Variants in CRY2 observed in about 807,000 individuals in gnomAD.
CRY2 encodes cryptochrome circadian regulator 2.
A neutral mutation model predicts 69.5 loss-of-function variants in CRY2; 31 were observed. The ratio of observed to expected loss-of-function variants is 0.45; its 90% CI spans 0.34 to 0.60. The LOEUF (loss-of-function observed/expected upper bound fraction) is 0.60. Ranked by LOEUF, CRY2 falls within the 20% of genes least tolerant of loss-of-function variation. CRY2 has a pLI of 0.02. For missense variants in CRY2, 606 were observed against 797.8 expected (o/e 0.76, Z 2.90); for synonymous variants, 303 against 312.2 (o/e 0.97, Z 0.31).
At position 45,878,920 on chromosome 11, in the gene CRY2, TAAAAAAAAAAAAAAA is replaced by T. The variant is rs57461093; in HGVS notation, c.*3-1980_*3-1966del. On this transcript the variant is annotated intron_variant, in intron 11 of 11. Coordinates refer to ENST00000616080, the MANE Select transcript of CRY2 (RefSeq NM_021117.5). ...GGCAACAGAACAAGACTCCATCTAT[TAAAAAAAAAAAAAAA>T]AAAAAAAAAAAAAGTCGGGCTCGGT... 1.0e-4 allele frequency among the ~76,000 whole-genome samples: 5 copies of T among 49,362 alleles called. 1 individual carries two copies. Among genetic ancestry groups the T allele is most frequent in the South Asian group, 1.6e-3 (2 of 1,260 alleles). The allele number at this position is 49,362 out of a possible 152,430, so 32.4% of individuals were successfully genotyped here. A position where few individuals can be genotyped will look rare whatever the true frequency, so the allele number is the denominator to read the frequency against.
chr11:45,858,838 G>A lies in CRY2; in HGVS notation c.432G>A (p.Val144=). 1.2e-6 allele frequency: 2 copies of A among 1,614,210 alleles called. No homozygotes were observed. Among genetic ancestry groups the A allele is most frequent in the Non-Finnish European group, 1.7e-6 (2 of 1,180,032 alleles). Residue 144 remains valine, a synonymous_variant, in exon 3 of 12, where the codon GTG becomes GTA. Coordinates refer to ENST00000616080, the MANE Select transcript of CRY2 (RefSeq NM_021117.5). ...CCAAGGAGGCTGGTGTGGAAGTAGT[G>A]ACGGAGAATTCTCATACCCTCTATG... ...KMAKEAGVEV[V]TENSHTLYDL... is the part of the protein sequence containing the mutation.
At chr11:45,847,845 C>T in intron 1 of CRY2, 140 bp downstream of exon 1, 1 of 1,229,366 alleles carries the variant, frequency 8.1e-7, no homozygotes, top group Non-Finnish European at 1.1e-6. Context: ...AGTAATTCGT[C>T]ATGGTCCTAA....
intron 11 of CRY2, among the ~76,000 whole-genome samples, chr11:45,873,515 C>A (rs1359225889): frequency 1.3e-5 from 2 of 152,194 alleles, no homozygotes; most frequent in Non-Finnish European, 2.9e-5. Context: ...AAATTTGGAA[C>A]TTGCCAGGCT....
At chr11:45,847,262 C>T (rs2086155988), upstream of CRY2, 2 of 1,551,644 alleles carry the variant, frequency 1.3e-6, no homozygotes, top group Non-Finnish European at 1.7e-6. Flanking sequence ...GCCAGCTCCA[C>T]CCGGGCGGAC....
chr11:45,871,008 C>A, intron 10 of CRY2, 74 bp downstream of exon 10: 1 of 1,275,342 alleles, frequency 7.8e-7, no homozygotes, highest in Non-Finnish European at 1.1e-6. Context: ...GGACTGAGGC[C>A]AGAAGGAGGC....
chr11:45,877,612 A>G (rs1471672014), intron 11 of CRY2, among the ~76,000 whole-genome samples: 1 of 152,246 alleles, frequency 6.6e-6, no homozygotes, highest in Non-Finnish European at 1.5e-5. Context: ...TGTATCAATG[A>G]CAGGTTGAAA....
At position 45,870,494 on chromosome 11, in the gene CRY2, A is replaced by G; in HGVS notation, c.1511A>G (p.Lys504Arg). The G allele has an allele frequency of 6.2e-7, 1 of 1,614,218 alleles. No homozygotes were observed. Among genetic ancestry groups the G allele is most frequent in the Non-Finnish European group, 8.5e-7 (1 of 1,180,042 alleles). ...ETSRLNIERM[K>R]QIYQQLSRYR... ...AGCCGGCTTAACATTGAACGAATGA[A>G]GCAGATTTACCAGCAGCTTTCGCGC... Residue 504 changes from lysine to arginine, a missense_variant, in exon 9 of 12, where the codon AAG becomes AGG. Lys to Arg is a conservative substitution (Grantham distance 26). Transcript: ENST00000616080.
chr11:45,873,262 C>G (rs936831617), intron 11 of CRY2, among the ~76,000 whole-genome samples: 2 of 152,176 alleles, frequency 1.3e-5, no homozygotes, highest in African/African-American at 4.8e-5. Context: ...CTGATAGGTT[C>G]TTTTTATCAG....
rs1023717336 is a variant in CRY2, at chr11:45,870,758, C to G, written c.1550-84C>G. 1.8e-5 allele frequency: 23 copies of G among 1,252,504 alleles called. No individual in the cohort carries two copies. In the Admixed American group the frequency reaches 3.5e-4, roughly 19 times the overall value. 77.6% of individuals were successfully genotyped at this position (1,252,504 alleles called of 1,614,324 possible). On this transcript the variant is annotated intron_variant, in intron 9 of 11. Transcript: ENST00000616080. Reference sequence around the variant, plus strand: ...CCTCAGTGTCTTGCTCCTACCCTCCCCACCCCCACTTGCTTCATCCTGCCC... The same window carrying G: ...CCTCAGTGTCTTGCTCCTACCCTCCGCACCCCCACTTGCTTCATCCTGCCC...
chr11:45,847,392 G>T (rs757256843), upstream of CRY2: 2 of 1,597,364 alleles, frequency 1.3e-6, no homozygotes, highest in Non-Finnish European at 1.7e-6. Context: ...GGGGACTAAG[G>T]GTGGAGTTGC....
intron 11 of CRY2, among the ~76,000 whole-genome samples, chr11:45,875,498 G>T (rs1261615243): frequency 1.3e-5 from 2 of 152,208 alleles, no homozygotes; most frequent in African/African-American, 2.4e-5. Flanking sequence ...TGATTCCAAG[G>T]GAAGACATGA....
At position 45,867,640 on chromosome 11, in the gene CRY2, G is replaced by A. The variant is rs754062866; in HGVS notation, c.770G>A (p.Arg257Gln). 6.2e-6 allele frequency: 10 copies of A among 1,614,050 alleles called. No individual in the cohort carries two copies. Among genetic ancestry groups the A allele is most frequent in the East Asian group, 4.5e-5 (2 of 44,896 alleles). ...KAWVANYERP[R>Q]MNANSLLASP... ...TGGGTTGCCAACTATGAGAGACCCCGAATGAACGCCAACTCCCTCCTGGCC... is the reference window on the plus strand; with the variant it reads ...TGGGTTGCCAACTATGAGAGACCCCAAATGAACGCCAACTCCCTCCTGGCC... Residue 257 changes from arginine (R) to glutamine (Q), a missense_variant, in exon 6 of 12, where the codon CGA (arginine) becomes CAA (glutamine). Coordinates refer to ENST00000616080, the MANE Select transcript of CRY2 (RefSeq NM_021117.5).
At chr11:45,855,876 G>T in intron 1 of CRY2, 106 bp from the exon 2 acceptor site, 1 of 951,034 alleles carries the variant, frequency 1.1e-6, no homozygotes, top group Non-Finnish European at 1.7e-6. Flanking sequence ...TGATCATGAG[G>T]CTGCCTGTTG....
At chr11:45,858,622 C>G (rs931722621) in intron 2 of CRY2, 109 bp from the exon 3 acceptor site, 4 of 1,197,258 alleles carry the variant, frequency 3.3e-6, no homozygotes, top group Middle Eastern at 5.7e-4. Flanking sequence ...TGCTGCCCAT[C>G]AGATAGGTCT....
At chr11:45,877,698 T>G (rs2086434349) in intron 11 of CRY2, among the ~76,000 whole-genome samples, 1 of 152,268 alleles carries the variant, frequency 6.6e-6, no homozygotes, top group Non-Finnish European at 1.5e-5. Context: ...TCCCCTTGGC[T>G]GTTCTTCCCT....
intron 1 of CRY2, 109 bp from the exon 2 acceptor site, chr11:45,855,869 TCATG>T (rs756020463): frequency 1.2e-5 from 11 of 906,518 alleles, no homozygotes; most frequent in Non-Finnish European, 2.0e-5. Flanking sequence ...GCCCTAGTGA[TCATG>T]AGGCTGCCTG....
intron 5 of CRY2, among the ~76,000 whole-genome samples, chr11:45,862,385 T>A (rs1454920390): frequency 6.7e-6 from 1 of 149,408 alleles, no homozygotes; most frequent in East Asian, 1.9e-4. Flanking sequence ...CCTGCTGGCA[T>A]TTCTTTTAAT....
chr11:45,847,764 C>T, intron 1 of CRY2, 59 bp downstream of exon 1: 1 of 1,484,468 alleles, frequency 6.7e-7, no homozygotes, highest in Non-Finnish European at 9.0e-7. Context: ...CCTGGGGTGA[C>T]CGGCGAACAG....
chr11:45,858,069 A>G (rs1290685473), intron 2 of CRY2, among the ~76,000 whole-genome samples: 4 of 152,216 alleles, frequency 2.6e-5, no homozygotes, highest in Non-Finnish European at 5.9e-5. Context: ...CCAGCTTGCT[A>G]TGAGATCTAG....
Sources: gnomAD v4.1 joint callset for allele counts (sites outside exome capture counted in the v4.1 genomes callset) on GRCh38, gnomAD v4.1.1 for gene constraint, MANE v1.5 for transcripts, NCBI Gene and HGNC (gene_info 2026-07-23, HGNC 2026-07-21) for gene names.